Variants in FBXO41 observed in about 807,000 individuals in gnomAD.
The protein encoded by FBXO41 is F-box protein 41, also known as F-box only protein 41.
Under a neutral mutation model 81.6 loss-of-function variants are expected in FBXO41, and 33 were observed. The ratio of observed to expected loss-of-function variants is 0.40; its 90% CI spans 0.31 to 0.54. FBXO41 has a LOEUF of 0.54. Among genes scored for constraint, FBXO41 ranks in the 20% least tolerant of loss-of-function variants. The pLI is 0.39. For synonymous variants in FBXO41, 576 were observed against 552.7 expected (o/e 1.04, Z -0.59); for missense variants, 1,107 against 1,236.0 (o/e 0.90, Z 1.56).
chr2:73,260,832 C>T lies in FBXO41; in HGVS notation c.2198G>A (p.Arg733His), dbSNP rs765916084. 30 of 1,568,716 alleles carry T rather than the reference C, an allele frequency of 1.9e-5. No homozygotes were observed. The highest frequency in any genetic ancestry group is 3.5e-5 in the South Asian group (3 of 85,406). ...ACAGCGACCAATCATCTGCAGGCAGCGGTTACTGAAGCGTGTGGGCTGCTG... is the reference window on the plus strand; with the variant it reads ...ACAGCGACCAATCATCTGCAGGCAGTGGTTACTGAAGCGTGTGGGCTGCTG... ...PCQQPTRFSN[R>H]CLQMIGRCWP... is the part of the protein sequence containing the mutation. Residue 733 changes from arginine (R) to histidine (H), a missense_variant, in exon 10 of 13, where the codon CGC (arginine) becomes CAC (histidine). Coordinates refer to ENST00000520530, the MANE Select transcript of FBXO41 (RefSeq NM_001371389.2). The surrounding 1 kb of genome is among the most constrained non-coding windows in gnomAD (Gnocchi z 5.0).
intron 1 of FBXO41, among the ~76,000 whole-genome samples, chr2:73,274,585 A>G (rs1411209813): frequency 6.6e-6 from 1 of 152,210 alleles, no homozygotes; most frequent in Non-Finnish European, 1.5e-5. Flanking sequence ...TTCTTTCGAT[A>G]CTTGTGATTT....
At chr2:73,273,237 AT>A (rs1263786655) in intron 1 of FBXO41, 1 of 152,238 alleles carries the variant, frequency 6.6e-6, no homozygotes, top group Non-Finnish European at 1.5e-5. Flanking sequence ...AAAACTTGGA[AT>A]GTCTCCTCCC....
Position 73,269,567 on chromosome 2 carries a change from G to T in FBXO41, c.64C>A (p.Leu22Met). 1 of 1,351,432 alleles carries T rather than the reference G, an allele frequency of 7.4e-7. No individual in the cohort carries two copies. Among genetic ancestry groups the T allele is most frequent in the Non-Finnish European group, 9.6e-7 (1 of 1,041,040 alleles). 83.7% of individuals were successfully genotyped at this position (1,351,432 alleles called of 1,614,324 possible). Residue 22 changes from leucine (L) to methionine (M), a missense_variant, in exon 2 of 13, where the codon CTG (leucine) becomes ATG (methionine). By Grantham distance (15) the Leu-to-Met change is conservative (BLOSUM62 2). Coordinates refer to ENST00000520530, the MANE Select transcript of FBXO41 (RefSeq NM_001371389.2). The surrounding 1 kb of genome is among the most constrained non-coding windows in gnomAD (Gnocchi z 7.0). ...RCGEHKRFRSLSSLRAHLEYS... is the reference protein window; with the variant it reads ...RCGEHKRFRSMSSLRAHLEYS... ...TCCAGGTGCGCGCGCAGCGACGACA[G>T]GCTCCGGAAGCGCTTGTGCTCCCCG...
intron 1 of FBXO41, among the ~76,000 whole-genome samples, chr2:73,274,186 G>A (rs1049779663): frequency 6.6e-6 from 1 of 152,182 alleles, no homozygotes; most frequent in Non-Finnish European, 1.5e-5. Flanking sequence ...TCAGCTTCAC[G>A]ATCTGGCCCC....
rs759556715 is a variant in FBXO41 at position 73,265,905 on chromosome 2, G to A, written c.1193C>T (p.Ser398Phe). Residue 398 changes from serine (S) to phenylalanine (F), a missense_variant, in exon 4 of 13, where the codon TCT (serine) becomes TTT (phenylalanine). Ser to Phe is a radical substitution (Grantham distance 155). Coordinates refer to ENST00000520530, the MANE Select transcript of FBXO41 (RefSeq NM_001371389.2). Reference sequence around the variant, plus strand: ...GCCCAAGGCTTACCCTGTGCTCGGAGAGGAGCCATGCCGTGACACTGCATA... The same window carrying A: ...GCCCAAGGCTTACCCTGTGCTCGGAAAGGAGCCATGCCGTGACACTGCATA... ...NTYAVSRHGSSPSTGASSRVP... is the reference protein window; with the variant it reads ...NTYAVSRHGSFPSTGASSRVP... 2.5e-6 allele frequency: 4 copies of A among 1,586,286 alleles called. No homozygotes were observed. In the East Asian group the frequency reaches 9.2e-5, roughly 36 times the overall value.
intron 9 of FBXO41, among the ~76,000 whole-genome samples, chr2:73,262,794 G>A (rs1487402020): frequency 6.6e-6 from 1 of 152,160 alleles, no homozygotes; most frequent in Non-Finnish European, 1.5e-5. Context: ...TGCCCAGGCT[G>A]GAGTGCAATG....
intron 1 of FBXO41, among the ~76,000 whole-genome samples, chr2:73,279,028 G>A (rs1377192071): frequency 6.6e-6 from 1 of 152,222 alleles, no homozygotes; most frequent in Non-Finnish European, 1.5e-5. Flanking sequence ...CCAAGGTCAG[G>A]AAGAAGGTTG....
chr2:73,261,989 G>A (rs1325739034), intron 9 of FBXO41, among the ~76,000 whole-genome samples: 3 of 152,196 alleles, frequency 2.0e-5, no homozygotes, highest in Non-Finnish European at 2.9e-5. Flanking sequence ...TTGGGAGGCC[G>A]AGGCGGGCAG....
chr2:73,269,102 G>T lies in FBXO41; in HGVS notation c.529C>A (p.Pro177Thr). ...ACSTPPPGPG[P>T]GPCPGPASAS... ...GAGGCAGGCCCGGGGCAAGGGCCGGGGCCGGGGCCAGGCGGCGGCGTCGAG... is the reference window on the plus strand; with the variant it reads ...GAGGCAGGCCCGGGGCAAGGGCCGGTGCCGGGGCCAGGCGGCGGCGTCGAG... The change falls in exon 2 of 13, where the codon CCC (proline) becomes ACC (threonine). Residue 177 changes from proline to threonine, a missense_variant. This residue lies in a region of FBXO41 where 771 missense variants were observed against 789.2 expected (regional missense o/e 0.98). Transcript: ENST00000520530. This position sits in a 1 kb window ranked among gnomAD's most constrained non-coding sequence, Gnocchi z 7.0. 6.6e-7 allele frequency: 1 copy of T among 1,508,092 alleles called. No homozygotes were observed. 93.4% of individuals were successfully genotyped at this position (1,508,092 alleles called of 1,614,324 possible).
At chr2:73,263,137 G>T in intron 9 of FBXO41, 76 bp downstream of exon 9, 1 of 1,176,588 alleles carries the variant, frequency 8.5e-7, no homozygotes. Context: ...AATGGGCTCA[G>T]ATCTGCTAAG....
chr2:73,265,184 G>A (rs1325572261), intron 5 of FBXO41, 98 bp downstream of exon 5: 1 of 1,180,154 alleles, frequency 8.5e-7, no homozygotes, highest in East Asian at 2.6e-5. Context: ...CTATGTAGGA[G>A]GGGTGGGCAA....
chr2:73,265,366 T>C lies in FBXO41; in HGVS notation c.1480A>G (p.Thr494Ala). The C allele has an allele frequency of 6.2e-7, 1 of 1,611,950 alleles. No individual in the cohort carries two copies. Among genetic ancestry groups the C allele is most frequent in the Non-Finnish European group, 8.5e-7 (1 of 1,179,750 alleles). Residue 494 changes from threonine to alanine, a missense_variant, in exon 5 of 13, where the codon ACT becomes GCT. Transcript: ENST00000520530. ...AACGGGCCCTCAGCCTCTGACTCAG[T>C]GGTTCGGGAGCCAACGTCGGAGACA... is the stretch of plus-strand genomic sequence containing the variant. ...GDVSDVGSRTTESEAEGPLDA... is the reference protein window; with the variant it reads ...GDVSDVGSRTAESEAEGPLDA...
At chr2:73,261,202 A>G (rs1688010801) in intron 9 of FBXO41, among the ~76,000 whole-genome samples, 1 of 152,054 alleles carries the variant, frequency 6.6e-6, no homozygotes, top group Non-Finnish European at 1.5e-5. Flanking sequence ...GACTACAGGC[A>G]TGCACTACCA....
Position 73,259,231 on chromosome 2 carries a change from T to C in FBXO41, c.2515A>G (p.Ser839Gly), listed in dbSNP as rs1687922554. 1.9e-6 allele frequency: 3 copies of C among 1,613,896 alleles called. No homozygotes were observed. Among genetic ancestry groups the C allele is most frequent in the South Asian group, 2.2e-5 (2 of 91,088 alleles). Reference protein sequence around the residue: ...IGIADYFKEPSSPEAQKLFED... With the variant: ...IGIADYFKEPGSPEAQKLFED... ...AACAGCTTCTGGGCCTCAGGGCTGC[T>C]GGGCTCTTTGAAATAATCCGCAATC... is the stretch of plus-strand genomic sequence containing the variant. Residue 839 changes from serine (S) to glycine (G), a missense_variant, in exon 12 of 13, where the codon AGC (serine) becomes GGC (glycine). Coordinates refer to ENST00000520530, the MANE Select transcript of FBXO41 (RefSeq NM_001371389.2). The surrounding 1 kb of genome is among the most constrained non-coding windows in gnomAD (Gnocchi z 4.2).
intron 1 of FBXO41, chr2:73,273,178 C>T (rs1688591088): frequency 6.6e-6 from 1 of 152,208 alleles, no homozygotes; most frequent in Non-Finnish European, 1.5e-5. Context: ...CAAACAGCCC[C>T]TTGCCATTGC....
chr2:73,264,603 G>C lies in FBXO41; in HGVS notation c.1565-84C>G, dbSNP rs1197732370. 9 of 1,565,516 alleles carry C rather than the reference G, an allele frequency of 5.7e-6. No homozygotes were observed. In the South Asian group the frequency reaches 9.3e-5, roughly 16 times the overall value. ...TGTGTGGGGAGCTGGGGCAGGGTAG[G>C]ATCTGCAGAGGAATGGACATGCTGT... On this transcript the variant is annotated intron_variant, in intron 5 of 12. Transcript: ENST00000520530.
At chr2:73,263,335 G>A in intron 8 of FBXO41, 27 bp from the exon 9 acceptor site, 1 of 1,472,552 alleles carries the variant, frequency 6.8e-7, no homozygotes, top group Non-Finnish European at 9.1e-7. Flanking sequence ...CTGCTAGTCA[G>A]GCAGCAGGGT....
Position 73,265,931 on chromosome 2 carries a change from T to C in FBXO41, c.1167A>G (p.Thr389=), listed in dbSNP as rs546979612. 1.9e-4 allele frequency: 300 copies of C among 1,587,578 alleles called. 3 individuals carry two copies. The South Asian group carries it at 3.3e-3, about 18-fold the overall frequency. Residue 389 remains threonine (T), a synonymous_variant, in exon 4 of 13, where the codon ACA becomes ACG. Transcript: ENST00000520530. ...EHHVGPAVPN[T]YAVSRHGSSP... ...AGGAGCCATGCCGTGACACTGCATA[T>C]GTGTTAGGCACGGCCGGGCCCACGT...
Position 73,268,965 on chromosome 2 carries a change from C to T in FBXO41, c.666G>A (p.Leu222=), listed in dbSNP as rs1161979059. The T allele has an allele frequency of 6.5e-7, 1 of 1,537,900 alleles. No homozygotes were observed. Among genetic ancestry groups the T allele is most frequent in the Non-Finnish European group, 8.7e-7 (1 of 1,146,352 alleles). Residue 222 remains leucine (L), a synonymous_variant, in exon 2 of 13, where the codon CTG becomes CTA. Transcript: ENST00000520530. ...KLEVDRRLER[L]SEEVEQKIAG... ...CGATCTTCTGCTCCACCTCCTCGCT[C>T]AGCCGCTCCAGCCGCCGGTCCACCT...
Sources: gnomAD v4.1 joint callset for allele counts (sites outside exome capture counted in the v4.1 genomes callset) on GRCh38, gnomAD v4.1.1 for gene constraint, gnomAD v4.1.1 regional missense constraint, Gnocchi (gnomAD v3.1) non-coding constraint, MANE v1.5 for transcripts, NCBI Gene and HGNC (gene_info 2026-07-23, HGNC 2026-07-21) for gene names.